NBPF9: variants seen among roughly 807,000 people sequenced by gnomAD.
NBPF9 encodes NBPF member 9.
Under a neutral mutation model 97.8 loss-of-function variants are expected in NBPF9, and 91 were observed. That is an observed-to-expected ratio of 0.93 (90% CI 0.79 to 1.11). NBPF9 has a LOEUF of 1.11. Ranked by LOEUF, NBPF9 falls within the 50% of genes least tolerant of loss-of-function variation. NBPF9 has a pLI of 0.00. For missense variants in NBPF9, 992 were observed against 939.5 expected (o/e 1.06, Z -0.73); for synonymous variants, 334 against 359.5 (o/e 0.93, Z 0.80).
At position 149,059,712 on chromosome 1, in the gene NBPF9, G is replaced by T. The variant is rs1371955784; in HGVS notation, c.2573C>A (p.Pro858Gln). ...TGCTGAAAGTCACCTGGGGCATGGTGGGTTTTGATTTTCTTCCCCTTCTTT... is the reference window on the plus strand; with the variant it reads ...TGCTGAAAGTCACCTGGGGCATGGTTGGTTTTGATTTTCTTCCCCTTCTTT... The change falls in exon 25 of 30, where the codon CCA becomes CAA. Residue 858 changes from proline to glutamine, a missense_variant. Coordinates refer to ENST00000584027, the Ensembl canonical transcript of NBPF9. 1.0e-5 allele frequency: 6 copies of T among 572,744 alleles called. 1 individual carries two copies. Among genetic ancestry groups the T allele is most frequent in the African/African-American group, 2.5e-5 (1 of 39,946 alleles). The allele number at this position is 572,744 out of a possible 1,614,324, so 35.5% of individuals were successfully genotyped here.
At chr1:149,075,797 C>T (rs2079815739) in exon 12 of NBPF9, 1 of 1,584,680 alleles carries the variant, frequency 6.3e-7, no homozygotes, top group African/African-American at 1.3e-5. Flanking sequence ...TCTCTGCCTT[C>T]TCGCTGGACA....
chr1:149,099,989 A>T (rs2082041030), intron 3 of NBPF9, among the ~76,000 whole-genome samples: 1 of 148,316 alleles, frequency 6.7e-6, no homozygotes, highest in African/African-American at 2.5e-5. Flanking sequence ...CTCAAGAAAA[A>T]AAAAAAAAAT....
At chr1:149,071,004 G>T (rs1553652811) in exon 16 of NBPF9, 5 of 1,612,196 alleles carry the variant, frequency 3.1e-6, no homozygotes, top group East Asian at 4.5e-5. Flanking sequence ...AGTCGACTTT[G>T]TCTTCCTCAA....
chr1:149,079,245 T>C (rs782210717), intron 8 of NBPF9, 24 bp from the exon 9 acceptor site: 5 of 883,582 alleles, frequency 5.7e-6, no homozygotes, highest in Non-Finnish European at 9.6e-6. Context: ...GTAGAGAAAA[T>C]TTAAGAGTAG....
intron 15 of NBPF9, 25 bp from the exon 16 acceptor site, chr1:149,071,164 T>C (rs782150951): frequency 2.9e-6 from 4 of 1,401,208 alleles, no homozygotes; most frequent in Admixed American, 1.7e-5. Context: ...GGGACAGAGA[T>C]GACAGAAGAT....
intron 26 of NBPF9, 179 bp downstream of exon 26, chr1:149,058,746 C>T: frequency 5.3e-6 from 3 of 565,606 alleles, no homozygotes; most frequent in Non-Finnish European, 9.4e-6. Flanking sequence ...TGCTCACTGA[C>T]CCATTTCATG....
At chr1:149,063,517 A>T in intron 20 of NBPF9, 116 bp downstream of exon 20, 2 of 701,352 alleles carry the variant, frequency 2.9e-6, no homozygotes, top group Non-Finnish European at 2.5e-6. Flanking sequence ...ATGTGCCTAT[A>T]GGTCCTCCCT....
exon 14 of NBPF9, chr1:149,072,781 G>T (rs1553653268): frequency 2.5e-6 from 4 of 1,583,390 alleles, no homozygotes; most frequent in Non-Finnish European, 3.5e-6. Flanking sequence ...TGTTCTTGGA[G>T]GTCCTGCCCC....
At chr1:149,088,168 GTTACT>G (rs1350429359) in intron 5 of NBPF9, among the ~76,000 whole-genome samples, 3 of 152,254 alleles carry the variant, frequency 2.0e-5, no homozygotes, top group Non-Finnish European at 4.4e-5. Flanking sequence ...GTATTTAGAT[GTTACT>G]TTAAATGAAA....
At chr1:149,086,388 C>T (rs1397691712) in intron 5 of NBPF9, among the ~76,000 whole-genome samples, 21 of 149,442 alleles carry the variant, frequency 1.4e-4, no homozygotes, top group African/African-American at 1.7e-4. Context: ...GACGAAATAA[C>T]GAAGGCATTC....
intron 5 of NBPF9, among the ~76,000 whole-genome samples, chr1:149,085,822 C>T (rs1224945499): frequency 2.1e-4 from 32 of 151,818 alleles, no homozygotes; most frequent in Non-Finnish European, 2.9e-4. Context: ...ATTCAATGCA[C>T]GTTTACAAAT....
Position 149,062,725 on chromosome 1 carries a change from G to T in NBPF9, c.2078+137C>A, listed in dbSNP as rs1190644241. ...TGGAAACCTAAACATCTACTGCAAT[G>T]AAAACCAACAGCAATGGCAGTAGGA... On this transcript the variant is annotated intron_variant, in intron 21 of 29. Coordinates refer to ENST00000584027, the Ensembl canonical transcript of NBPF9. 9.4e-6 allele frequency: 7 copies of T among 747,308 alleles called. No homozygotes were observed. In the Admixed American group the frequency reaches 1.1e-4, roughly 12 times the overall value. The allele number at this position is 747,308 out of a possible 1,614,324, so 46.3% of individuals were successfully genotyped here.
intron 5 of NBPF9, among the ~76,000 whole-genome samples, chr1:149,085,785 A>G (rs1289618367): frequency 1.3e-5 from 2 of 151,620 alleles, no homozygotes; most frequent in Non-Finnish European, 2.9e-5. Context: ...TTTCGGTACA[A>G]CAGACTGCAC....
At chr1:149,073,320 G>A (rs2079566642) in intron 13 of NBPF9, among the ~76,000 whole-genome samples, 1 of 140,464 alleles carries the variant, frequency 7.1e-6, no homozygotes, top group Non-Finnish European at 1.5e-5. Flanking sequence ...GAGGCCAGGG[G>A]CAGATGGGGC....
intron 5 of NBPF9, among the ~76,000 whole-genome samples, chr1:149,087,301 T>C (rs1416680678): frequency 6.6e-6 from 1 of 150,872 alleles, no homozygotes; most frequent in Non-Finnish European, 1.5e-5. Context: ...TTGGAGATGA[T>C]AATCTTCAAA....
exon 14 of NBPF9, chr1:149,072,790 C>T (rs781836891): frequency 5.6e-5 from 89 of 1,581,624 alleles, no homozygotes; most frequent in Non-Finnish European, 6.9e-5. Context: ...AGGTCCTGCC[C>T]CTGGGACTTG....
At position 149,073,368 on chromosome 1, in the gene NBPF9, C is replaced by T. The variant is rs1360712721; in HGVS notation, c.1091+400G>A. 5.0e-5 allele frequency among the ~76,000 whole-genome samples: 7 copies of T among 139,928 alleles called. 2 individuals are homozygous for T. Among genetic ancestry groups the T allele is most frequent in the African/African-American group, 1.6e-4 (6 of 36,994 alleles). The allele number at this position is 139,928 out of a possible 152,430, so 91.8% of individuals were successfully genotyped here. On this transcript the variant is annotated intron_variant, in intron 13 of 29. Transcript: ENST00000584027. ...CGAAAGAAGAAAAGAATGACAGGGT[C>T]GAGAAGGCAACATTGATTGAGTGAA...
intron 12 of NBPF9, among the ~76,000 whole-genome samples, chr1:149,074,388 A>G (rs1176241357): frequency 3.3e-5 from 5 of 151,596 alleles, no homozygotes; most frequent in Admixed American, 3.3e-4. Context: ...GAAGCATAAA[A>G]TGTGACACAT....
intron 29 of NBPF9, among the ~76,000 whole-genome samples, 193 bp downstream of exon 29, chr1:149,056,319 G>A (rs1195575464): frequency 2.5e-5 from 3 of 120,396 alleles, no homozygotes; most frequent in East Asian, 2.6e-4. Context: ...TCAACCTATG[G>A]TACGTTAGGA....
Sources: gnomAD v4.1 joint callset for allele counts (sites outside exome capture counted in the v4.1 genomes callset) on GRCh38, gnomAD v4.1.1 for gene constraint, MANE v1.5 for transcripts, NCBI Gene and HGNC (gene_info 2026-07-23, HGNC 2026-07-21) for gene names.